PHF21A: variants seen among roughly 807,000 people sequenced by gnomAD.
PHF21A encodes the protein PHD finger protein 21A.
Under a neutral mutation model 82.5 loss-of-function variants are expected in PHF21A, and 11 were observed. That is an observed-to-expected ratio of 0.13 (90% CI 0.08 to 0.22). The LOEUF is 0.22. PHF21A is among the 10% of genes least tolerant of loss of function. PHF21A has a pLI of 1.00. For missense variants in PHF21A, 579 were observed against 837.8 expected (o/e 0.69, Z 3.81); for synonymous variants, 297 against 302.8 (o/e 0.98, Z 0.20).
chr11:46,011,573 C>A (rs1176711868), intron 6 of PHF21A, among the ~76,000 whole-genome samples: 2 of 152,110 alleles, frequency 1.3e-5, no homozygotes, highest in Non-Finnish European at 2.9e-5. Context: ...CTCTGGAAAT[C>A]TAGGATTTCA....
At chr11:46,096,436 C>T (rs748319823) in intron 1 of PHF21A, among the ~76,000 whole-genome samples, 12 of 152,172 alleles carry the variant, frequency 7.9e-5, no homozygotes, top group Non-Finnish European at 1.3e-4. Context: ...CCCATTAGGG[C>T]CTTTGCCTCC....
At chr11:45,989,409 C>CT (rs1234274992) in intron 6 of PHF21A, among the ~76,000 whole-genome samples, 1 of 147,134 alleles carries the variant, frequency 6.8e-6, no homozygotes, top group African/African-American at 2.5e-5. Flanking sequence ...AATCCCAGCA[C>CT]TTTGGGAGGC....
rs1288862866 is a variant in PHF21A, at chr11:46,102,713, T to C, written c.-236-10490A>G. Among the ~76,000 whole-genome samples, 4 of 152,228 alleles carry C rather than the reference T, an allele frequency of 2.6e-5. No homozygotes were observed. The East Asian group carries it at 5.8e-4, about 22-fold the overall frequency. On this transcript the variant is annotated intron_variant, in intron 1 of 18. Transcript: ENST00000676320. ...GGTATTTTTCTATTCTCTCTCTTAG[T>C]CCAGATATAAAGTATTTTACAAATA... is the stretch of plus-strand genomic sequence containing the variant.
At chr11:46,110,967 T>C (rs1433168680) in intron 1 of PHF21A, among the ~76,000 whole-genome samples, 2 of 151,518 alleles carry the variant, frequency 1.3e-5, no homozygotes, top group African/African-American at 2.4e-5. Flanking sequence ...CTATTTTCAG[T>C]AGAGATGAGG....
chr11:46,003,321 A>G (rs932844565), intron 6 of PHF21A, among the ~76,000 whole-genome samples: 2 of 151,838 alleles, frequency 1.3e-5, no homozygotes, highest in Non-Finnish European at 2.9e-5. Context: ...TTTTCACACC[A>G]TCTATGTGTC....
intron 4 of PHF21A, among the ~76,000 whole-genome samples, chr11:46,080,166 AG>A (rs753757359): frequency 2.3e-4 from 35 of 151,410 alleles, no homozygotes; most frequent in African/African-American, 6.8e-4. Context: ...TCTAACTACT[AG>A]TTTTTTTTTG....
At chr11:46,035,258 G>GA (rs2095972310) in intron 6 of PHF21A, among the ~76,000 whole-genome samples, 2 of 152,074 alleles carry the variant, frequency 1.3e-5, no homozygotes, top group Admixed American at 6.5e-5. Context: ...ACCATTTCCT[G>GA]AAAAAAATCC....
intron 6 of PHF21A, among the ~76,000 whole-genome samples, chr11:46,018,043 G>A (rs1290996015): frequency 3.9e-5 from 6 of 152,032 alleles, no homozygotes; most frequent in African/African-American, 9.7e-5. Flanking sequence ...GAGGTCAGGA[G>A]ATCGAGACCA....
At chr11:46,077,818 TCA>T (rs1254492862) in intron 5 of PHF21A, among the ~76,000 whole-genome samples, 3 of 152,228 alleles carry the variant, frequency 2.0e-5, no homozygotes, top group Non-Finnish European at 4.4e-5. Flanking sequence ...TAGTAACATT[TCA>T]CAGTTGCTGA....
At chr11:45,989,540 G>A (rs1010453320) in intron 6 of PHF21A, among the ~76,000 whole-genome samples, 8 of 149,506 alleles carry the variant, frequency 5.4e-5, no homozygotes, top group Admixed American at 2.0e-4. Context: ...CTGATGTTGC[G>A]CACCTGTAGT....
At chr11:46,034,431 G>C (rs1421600614) in intron 6 of PHF21A, among the ~76,000 whole-genome samples, 1 of 151,872 alleles carries the variant, frequency 6.6e-6, no homozygotes, top group Non-Finnish European at 1.5e-5. Context: ...TATGTTATTA[G>C]GTCCTTTCCT....
chr11:46,080,693 G>C (rs1013196186), intron 4 of PHF21A, among the ~76,000 whole-genome samples: 2 of 151,862 alleles, frequency 1.3e-5, no homozygotes, highest in African/African-American at 4.8e-5. Flanking sequence ...TTAAAGATGG[G>C]GTCTTGTTCT....
intron 6 of PHF21A, among the ~76,000 whole-genome samples, chr11:46,011,380 T>C (rs4237659): frequency 0.33 from 50,443 of 151,860 alleles, 9,513 homozygotes; most frequent in East Asian, 0.8. Context: ...TCCCAGGTAC[T>C]TAGGAGGCTG....
intron 11 of PHF21A, among the ~76,000 whole-genome samples, chr11:45,951,806 A>AT (rs1324933753): frequency 3.8e-5 from 3 of 78,968 alleles, no homozygotes; most frequent in South Asian, 5.1e-4. Context: ...TTGTGGAATA[A>AT]ATTTTTTTTT....
intron 14 of PHF21A, 114 bp downstream of exon 14, chr11:45,948,772 T>C (rs2091678264): frequency 1.3e-6 from 1 of 786,334 alleles, no homozygotes; most frequent in Non-Finnish European, 2.3e-6. Flanking sequence ...AACAAAACTA[T>C]TTTCAAAGGA....
chr11:45,933,887 TC>T lies in PHF21A; in HGVS notation c.*80del. 1 of 1,334,128 alleles carries T rather than the reference TC, an allele frequency of 7.5e-7. No individual in the cohort carries two copies. The highest frequency in any genetic ancestry group is 1.7e-5 in the South Asian group (1 of 60,280). The allele number at this position is 1,334,128 out of a possible 1,614,324, so 82.6% of individuals were successfully genotyped here. A position where few individuals can be genotyped will look rare whatever the true frequency, so the allele number is the denominator to read the frequency against. ...AAAAGAATTCTGCACTTTCCAGAAATCCGGCTTTGCTTTTCTAGAGTCTTCA... is the reference window on the plus strand; with the variant it reads ...AAAAGAATTCTGCACTTTCCAGAAATCGGCTTTGCTTTTCTAGAGTCTTCA... On this transcript the variant is annotated 3_prime_UTR_variant, in exon 19 of 19. Coordinates refer to ENST00000676320, the MANE Select transcript of PHF21A (RefSeq NM_001352027.3).
At chr11:46,110,623 C>A (rs1266824227) in intron 1 of PHF21A, among the ~76,000 whole-genome samples, 3 of 152,116 alleles carry the variant, frequency 2.0e-5, no homozygotes, top group Non-Finnish European at 4.4e-5. Context: ...TGTATTAACT[C>A]CTTTGTAACT....
intron 13 of PHF21A, 24 bp downstream of exon 13, chr11:45,949,378 G>C: frequency 1.3e-6 from 2 of 1,581,408 alleles, no homozygotes; most frequent in Non-Finnish European, 1.7e-6. Flanking sequence ...CATGAGGGAA[G>C]GGCCAGATGC....
At chr11:46,015,886 T>C (rs1295375365) in intron 6 of PHF21A, among the ~76,000 whole-genome samples, 1 of 142,982 alleles carries the variant, frequency 7.0e-6, no homozygotes, top group Admixed American at 7.4e-5. Flanking sequence ...GCTATTGCTG[T>C]TTTACAGTCA....
Sources: gnomAD v4.1 joint callset for allele counts (sites outside exome capture counted in the v4.1 genomes callset) on GRCh38, gnomAD v4.1.1 for gene constraint, MANE v1.5 for transcripts, NCBI Gene and HGNC (gene_info 2026-07-23, HGNC 2026-07-21) for gene names.